The following HIVEP1 variants were observed in gnomAD, a reference collection of about 807,000 sequenced individuals.
HIVEP1 encodes HIVEP zinc finger 1, also known as zinc finger protein 40.
Under a neutral mutation model 180.0 loss-of-function variants are expected in HIVEP1, and 36 were observed. The observed-to-expected ratio is 0.20, with a 90% CI of 0.15 to 0.26. HIVEP1 has a LOEUF of 0.26. Ranked by LOEUF, HIVEP1 falls within the 10% of genes least tolerant of loss-of-function variation. The pLI, the probability that HIVEP1 is intolerant of heterozygous loss-of-function variation, is 1.00. For missense variants in HIVEP1, 3,143 were observed against 3,268.7 expected, an observed-to-expected ratio of 0.96 and a Z score of 0.94; for synonymous variants, 1,239 against 1,239.0, an observed-to-expected ratio of 1.00 and a Z score of 0.00.
downstream of HIVEP1, among the ~76,000 whole-genome samples, chr6:12,167,093 A>G (rs79976041): frequency 0.012 from 1,766 of 152,280 alleles, 31 homozygotes; most frequent in African/African-American, 0.04. Flanking sequence ...GATGGTATTG[A>G]ATGTACAAAT....
intron 2 of HIVEP1, among the ~76,000 whole-genome samples, chr6:12,062,808 C>T (rs916245397): frequency 5.3e-5 from 8 of 152,140 alleles, no homozygotes; most frequent in Non-Finnish European, 2.9e-5. Flanking sequence ...GTTTCTAACA[C>T]CCACACGTTA....
chr6:12,131,414 T>A (rs1489724918), intron 6 of HIVEP1, among the ~76,000 whole-genome samples: 1 of 139,154 alleles, frequency 7.2e-6, no homozygotes, highest in Non-Finnish European at 1.6e-5. Flanking sequence ...TACATAGCCA[T>A]TTTTTTTCAC....
intron 7 of HIVEP1, among the ~76,000 whole-genome samples, chr6:12,155,354 C>T (rs1759969309): frequency 6.6e-6 from 1 of 152,124 alleles, no homozygotes; most frequent in Non-Finnish European, 1.5e-5. Context: ...CAAACCATCT[C>T]ATCATCTCAG....
intron 7 of HIVEP1, among the ~76,000 whole-genome samples, chr6:12,143,300 A>G (rs1759166128): frequency 6.6e-6 from 1 of 152,268 alleles, no homozygotes; most frequent in Non-Finnish European, 1.5e-5. Context: ...GATTATCTCA[A>G]TAGATGCAGA....
chr6:12,068,319 A>G (rs1771736748), intron 2 of HIVEP1, among the ~76,000 whole-genome samples: 1 of 152,020 alleles, frequency 6.6e-6, no homozygotes, highest in Non-Finnish European at 1.5e-5. Context: ...CAAACTCCTG[A>G]CCTCAGGTGA....
In HIVEP1 at chr6:12,120,225, C is replaced by T. The variant is rs762780605; in HGVS notation, c.430C>T (p.Arg144Cys). 13 of 1,613,866 alleles carry T rather than the reference C, an allele frequency of 8.1e-6. No individual in the cohort carries two copies. The highest frequency in any genetic ancestry group is 1.1e-5 in the Non-Finnish European group (13 of 1,179,890). ...PLFLQQPSEL[R>C]RWRSEGADPA... Reference sequence around the variant, plus strand: ...GTTTCTGCAGCAACCATCTGAACTGCGTAGATGGAGATCCGAAGGCGCTGA... The same window carrying T: ...GTTTCTGCAGCAACCATCTGAACTGTGTAGATGGAGATCCGAAGGCGCTGA... Residue 144 changes from arginine (R) to cysteine (C), a missense_variant, in exon 4 of 9, where the codon CGT (arginine) becomes TGT (cysteine). This residue lies in a region of HIVEP1 where 306 missense variants were observed against 310.6 expected (regional missense o/e 0.99). Transcript: ENST00000379388.
intron 4 of HIVEP1, among the ~76,000 whole-genome samples, chr6:12,127,165 TAAAA>T (rs551138456): frequency 2.1e-5 from 3 of 140,468 alleles, no homozygotes; most frequent in Non-Finnish European, 4.6e-5. Context: ...CCAGCAAGAA[TAAAA>T]AAAAAAATTA....
At position 12,056,316 on chromosome 6, in the gene HIVEP1, TATG is replaced by T. The variant is rs577703645; in HGVS notation, c.41-32864_41-32862del. Among the ~76,000 whole-genome samples the T allele has an allele frequency of 2.1e-3, 323 of 152,338 alleles. 2 individuals are homozygous for T. Among genetic ancestry groups the T allele is most frequent in the South Asian group, 7.0e-3 (34 of 4,830 alleles). On this transcript the variant is annotated intron_variant, in intron 2 of 8. Transcript: ENST00000379388. ...GTATAGAGCCTTAGACTCGAGGTAG[TATG>T]ATGTTCTTAAGGAAAAGTGGAAAGA...
the HIVEP1 span, among the ~76,000 whole-genome samples, chr6:12,199,969 C>T: frequency 2.6e-3 from 402 of 152,240 alleles, no homozygotes; most frequent in Non-Finnish European, 4.9e-3. Flanking sequence ...CCAAGTTGGA[C>T]TTGGGAATCC....
intron 2 of HIVEP1, among the ~76,000 whole-genome samples, chr6:12,079,403 T>C (rs1484962355): frequency 2.0e-5 from 3 of 152,164 alleles, no homozygotes; most frequent in Non-Finnish European, 4.4e-5. Context: ...ATTTTAGAGG[T>C]ATAATTTAAT....
chr6:12,196,724 C>A, the HIVEP1 span, among the ~76,000 whole-genome samples: 23 of 152,304 alleles, frequency 1.5e-4, no homozygotes, highest in Middle Eastern at 3.4e-3. Context: ...AGAAGAGGAA[C>A]CTTCATCCGC....
chr6:12,179,152 G>A, the HIVEP1 span, among the ~76,000 whole-genome samples: 3 of 152,318 alleles, frequency 2.0e-5, no homozygotes, highest in South Asian at 6.2e-4. Context: ...AAGGTTGTGG[G>A]ACAGGCAATC....
intron 2 of HIVEP1, among the ~76,000 whole-genome samples, chr6:12,044,876 C>T (rs1195855393): frequency 6.6e-6 from 1 of 152,224 alleles, no homozygotes; most frequent in East Asian, 1.9e-4. Flanking sequence ...GTGCCTCAGC[C>T]AGTTCCTCCT....
At chr6:12,045,208 T>C (rs1770049181) in intron 2 of HIVEP1, among the ~76,000 whole-genome samples, 1 of 152,146 alleles carries the variant, frequency 6.6e-6, no homozygotes. Flanking sequence ...GGTGAATGTG[T>C]GTGTGGATCC....
At chr6:12,079,377 T>C (rs1415483554) in intron 2 of HIVEP1, among the ~76,000 whole-genome samples, 2 of 152,182 alleles carry the variant, frequency 1.3e-5, no homozygotes, top group Admixed American at 6.6e-5. Flanking sequence ...ATTAAAAATA[T>C]AGGCTCTGGC....
intron 2 of HIVEP1, among the ~76,000 whole-genome samples, chr6:12,078,142 T>G (rs952158172): frequency 1.2e-4 from 18 of 152,332 alleles, no homozygotes; most frequent in Admixed American, 1.2e-3. Flanking sequence ...GCAGGTCTGT[T>G]GATCTCAATA....
In HIVEP1 at chr6:12,043,999, C is replaced by T. The variant is rs11963121; in HGVS notation, c.40+28331C>T. The stretch of plus-strand genomic sequence containing the variant: ...ATGGAGAATTGTTGAAGATGGGGAG[C>T]GTGTGAATGTGTGGTTATTCTGGGC... On this transcript the variant is annotated intron_variant, in intron 2 of 8. Coordinates refer to ENST00000379388, the MANE Select transcript of HIVEP1 (RefSeq NM_002114.4). Among the ~76,000 whole-genome samples, 782 of 151,954 alleles carry T rather than the reference C, an allele frequency of 5.1e-3. 7 individuals carry two copies. The highest frequency in any genetic ancestry group is 0.018 in the African/African-American group (732 of 41,412).
the HIVEP1 span, among the ~76,000 whole-genome samples, chr6:12,180,356 C>T: frequency 6.6e-6 from 1 of 152,180 alleles, no homozygotes; most frequent in Non-Finnish European, 1.5e-5. Context: ...TCGGCATATA[C>T]ATTTGCAGCG....
upstream of HIVEP1, among the ~76,000 whole-genome samples, chr6:12,011,532 C>T (rs1362602652): frequency 1.3e-5 from 2 of 150,620 alleles, no homozygotes; most frequent in African/African-American, 4.9e-5. Flanking sequence ...CCAGGCGTCG[C>T]GACCCAGGGC....
Sources: gnomAD v4.1 joint callset for allele counts (sites outside exome capture counted in the v4.1 genomes callset) on GRCh38, gnomAD v4.1.1 for gene constraint, gnomAD v4.1.1 regional missense constraint, MANE v1.5 for transcripts, NCBI Gene and HGNC (gene_info 2026-07-23, HGNC 2026-07-21) for gene names.